RYR3: variants seen among roughly 807,000 people sequenced by gnomAD.
RYR3 encodes the protein ryanodine receptor 3, also known as brain ryanodine receptor-calcium release channel.
In RYR3, 207 loss-of-function variants were observed where a neutral mutation model predicts 584.3. The ratio of observed to expected loss-of-function variants is 0.35; its 90% confidence interval spans 0.32 to 0.40. The LOEUF (loss-of-function observed/expected upper bound fraction) is 0.40, where lower values mean the gene tolerates loss of function less well. RYR3 is among the 10% of genes least tolerant of loss of function. The probability of loss-of-function intolerance (pLI) is 1.00; values close to 1 mark genes in which losing one functional copy is unlikely to be tolerated. For missense variants in RYR3, 5,616 were observed against 6,089.2 expected (o/e 0.92, Z 2.59); for synonymous variants, 2,416 against 2,248.5 (o/e 1.07, Z -2.11).
Position 33,518,508 on chromosome 15 carries a change from T to G in RYR3, c.280-12084T>G, listed in dbSNP as rs182534320. 1.5e-3 allele frequency among the ~76,000 whole-genome samples: 221 copies of G among 151,972 alleles called. 1 individual carries two copies. Among genetic ancestry groups the G allele is most frequent in the African/African-American group, 5.2e-3 (215 of 41,492 alleles). On this transcript the variant is annotated intron_variant, in intron 3 of 103. Transcript: ENST00000634891. ...CTGCAGGTGCTACTTTTAATACGCC[T>G]TCTTTCTTTGCTGCAAAGCCTGCCA...
chr15:33,758,422 C>T (rs556364828), intron 60 of RYR3, among the ~76,000 whole-genome samples: 5 of 152,284 alleles, frequency 3.3e-5, no homozygotes, highest in African/African-American at 1.2e-4. Flanking sequence ...GCCCAACGGT[C>T]TGAAGTCGAC....
intron 46 of RYR3, among the ~76,000 whole-genome samples, chr15:33,728,050 A>T (rs565994186): frequency 3.3e-5 from 5 of 152,356 alleles, no homozygotes; most frequent in African/African-American, 1.2e-4. Context: ...CTCGAAGTTT[A>T]TTCTATTTAT....
intron 1 of RYR3, among the ~76,000 whole-genome samples, chr15:33,394,901 T>G (rs1223636365): frequency 6.6e-6 from 1 of 152,142 alleles, no homozygotes; most frequent in African/African-American, 2.4e-5. Flanking sequence ...GAGAGCCAGA[T>G]GGACATACAG....
intron 60 of RYR3, among the ~76,000 whole-genome samples, chr15:33,757,987 G>A (rs984395880): frequency 6.6e-6 from 1 of 152,138 alleles, no homozygotes; most frequent in African/African-American, 2.4e-5. Context: ...TGCAGCCCAA[G>A]GAGGGCGAGC....
chr15:33,613,025 G>A (rs1255165418), intron 18 of RYR3, among the ~76,000 whole-genome samples, 158 bp from the exon 19 acceptor site: 1 of 152,184 alleles, frequency 6.6e-6, no homozygotes, highest in East Asian at 1.9e-4. Flanking sequence ...CACACAAAAG[G>A]AAACAAAAGG....
At chr15:33,853,453 G>A in intron 95 of RYR3, 102 bp from the exon 96 acceptor site, 2 of 1,411,196 alleles carry the variant, frequency 1.4e-6, no homozygotes, top group South Asian at 3.3e-5. Context: ...TCTACCCCTT[G>A]GAAGATTGCC....
chr15:33,737,112 G>T (rs1205512435), intron 49 of RYR3, among the ~76,000 whole-genome samples: 1 of 151,728 alleles, frequency 6.6e-6, no homozygotes, highest in Non-Finnish European at 1.5e-5. Flanking sequence ...TTATTTTTTT[G>T]AGACAGAGTC....
intron 2 of RYR3, among the ~76,000 whole-genome samples, chr15:33,481,673 G>A (rs1256371727): frequency 6.6e-6 from 1 of 151,724 alleles, no homozygotes; most frequent in African/African-American, 2.4e-5. Flanking sequence ...GTAGAGATGG[G>A]GTTTCACCAT....
rs1157294158 is a variant in RYR3 at position 33,586,077 on chromosome 15, G to A, written c.1749G>A (p.Ser583=). Residue 583 remains serine, a synonymous_variant, in exon 16 of 104, where the codon TCG becomes TCA. Transcript: ENST00000634891. The part of the protein sequence containing the change: ...LNLIAEGHIK[S]IISLLDKHGR... ...TGATAGCGGAGGGCCACATCAAGTC[G>A]ATCATCTCCCTGTTGGATAAGCACG... is the stretch of plus-strand genomic sequence containing the variant. 6.8e-6 allele frequency: 11 copies of A among 1,613,092 alleles called. No homozygotes were observed. The highest frequency in any genetic ancestry group is 4.5e-5 in the East Asian group (2 of 44,874).
intron 42 of RYR3, among the ~76,000 whole-genome samples, chr15:33,702,939 G>T (rs553935475): frequency 6.6e-6 from 1 of 152,038 alleles, no homozygotes; most frequent in Non-Finnish European, 1.5e-5. Flanking sequence ...ACGTGGGGTG[G>T]CTCAAAGAAG....
rs1890052198 is a variant in RYR3, at chr15:33,865,121, A to C, written c.14518-10A>C. ...TTAAAAATAAGCACCCGTTGTTCAT[A>C]TTATTTCAGGAATCTTATGTCTGGA... On this transcript the variant is annotated splice_polypyrimidine_tract_variant and intron_variant, in intron 103 of 103. Coordinates refer to ENST00000634891, the MANE Select transcript of RYR3 (RefSeq NM_001036.6). 6 of 1,605,894 alleles carry C rather than the reference A, an allele frequency of 3.7e-6. No individual in the cohort carries two copies. Among genetic ancestry groups the C allele is most frequent in the Non-Finnish European group, 5.1e-6 (6 of 1,173,634 alleles).
intron 1 of RYR3, among the ~76,000 whole-genome samples, chr15:33,407,027 C>G (rs933912025): frequency 1.3e-5 from 2 of 152,322 alleles, no homozygotes; most frequent in East Asian, 1.9e-4. Context: ...GAAGATTGCT[C>G]TCTGCTTCCA....
chr15:33,599,254 C>T (rs2059545223), intron 16 of RYR3, among the ~76,000 whole-genome samples: 1 of 152,138 alleles, frequency 6.6e-6, no homozygotes, highest in Non-Finnish European at 1.5e-5. Context: ...TCAGGATCCC[C>T]CCTGTGGTTA....
intron 6 of RYR3, among the ~76,000 whole-genome samples, chr15:33,540,303 C>T (rs1419116614): frequency 6.6e-6 from 1 of 151,948 alleles, no homozygotes; most frequent in African/African-American, 2.4e-5. Context: ...TGGAAGTTGC[C>T]AGTGAGATTT....
In RYR3 at chr15:33,414,449, G is replaced by A. The variant is rs117535206; in HGVS notation, c.52-58970G>A. ...GGTCTCCATGGTTATCTTGCTTATA[G>A]TTCTAAATATATAACAAAACAACTC... is the stretch of plus-strand genomic sequence containing the variant. On this transcript the variant is annotated intron_variant, in intron 1 of 103. Coordinates refer to ENST00000634891, the MANE Select transcript of RYR3 (RefSeq NM_001036.6). Among the ~76,000 whole-genome samples the A allele has an allele frequency of 4.6e-3, 705 of 152,144 alleles. 4 individuals carry two copies. The highest frequency in any genetic ancestry group is 7.8e-3 in the Non-Finnish European group (530 of 67,980).
intron 95 of RYR3, among the ~76,000 whole-genome samples, chr15:33,853,322 T>C (rs1242215633): frequency 6.6e-6 from 1 of 152,238 alleles, no homozygotes; most frequent in African/African-American, 2.4e-5. Flanking sequence ...GCATAGTAGA[T>C]GTTTTCTCCC....
chr15:33,347,756 C>T (rs1972654994), intron 1 of RYR3, among the ~76,000 whole-genome samples: 1 of 151,966 alleles, frequency 6.6e-6, no homozygotes, highest in Non-Finnish European at 1.5e-5. Flanking sequence ...TGTCATAGCC[C>T]ATCAATTAAA....
intron 69 of RYR3, 78 bp downstream of exon 69, chr15:33,802,039 G>A (rs1197205952): frequency 2.2e-6 from 2 of 889,634 alleles, no homozygotes; most frequent in Admixed American, 3.4e-5. Context: ...CATACTTTCT[G>A]GGGATTAACA....
At chr15:33,438,879 T>C (rs1247731689) in intron 1 of RYR3, among the ~76,000 whole-genome samples, 1 of 152,208 alleles carries the variant, frequency 6.6e-6, no homozygotes, top group African/African-American at 2.4e-5. Flanking sequence ...ATCTACACTT[T>C]ACAAGAACTC....
Sources: gnomAD v4.1 joint callset for allele counts (sites outside exome capture counted in the v4.1 genomes callset) on GRCh38, gnomAD v4.1.1 for gene constraint, MANE v1.5 for transcripts, NCBI Gene and HGNC (gene_info 2026-07-23, HGNC 2026-07-21) for gene names.